KCNN2: variants seen among roughly 807,000 people sequenced by gnomAD.
KCNN2 encodes the protein small conductance calcium-activated potassium channel protein 2.
Under a neutral mutation model 55.5 loss-of-function variants are expected in KCNN2, and 24 were observed. That is an observed-to-expected ratio of 0.43 (90% CI 0.31 to 0.61). The LOEUF is 0.61. KCNN2 is among the 20% of genes least tolerant of loss of function. KCNN2 has a pLI of 0.08. For synonymous variants in KCNN2, 431 were observed against 336.1 expected (o/e 1.28, Z -3.09); for missense variants, 754 against 853.6 (o/e 0.88, Z 1.45).
intron 2 of KCNN2, among the ~76,000 whole-genome samples, chr5:114,255,585 G>A (rs1406081439): frequency 6.6e-6 from 1 of 152,160 alleles, no homozygotes; most frequent in Non-Finnish European, 1.5e-5. Context: ...TAAGGATTTT[G>A]AATTTTATCT....
chr5:114,354,642 A>T (rs993994370), intron 2 of KCNN2, among the ~76,000 whole-genome samples: 10 of 152,180 alleles, frequency 6.6e-5, no homozygotes, highest in African/African-American at 2.4e-4. Context: ...TTTCAGTTAT[A>T]TGAGCTAGGA....
intron 2 of KCNN2, among the ~76,000 whole-genome samples, chr5:114,282,279 A>C (rs530010754): frequency 1.3e-5 from 2 of 152,238 alleles, no homozygotes; most frequent in Admixed American, 1.3e-4. Flanking sequence ...TGGTTGAATT[A>C]TAGCAAAAAA....
At chr5:114,162,413 C>G (rs1752807371) in intron 1 of KCNN2, among the ~76,000 whole-genome samples, 1 of 152,196 alleles carries the variant, frequency 6.6e-6, no homozygotes, top group South Asian at 2.1e-4. Flanking sequence ...TCCGCCCCTA[C>G]TGGGGGGTGC....
intron 2 of KCNN2, among the ~76,000 whole-genome samples, chr5:114,398,690 CGTTT>C (rs1758694881): frequency 6.6e-6 from 1 of 151,932 alleles, no homozygotes; most frequent in African/African-American, 2.4e-5. Context: ...AATGCTTTTC[CGTTT>C]GTTTATGTAA....
chr5:114,228,245 A>G (rs1040476976), intron 2 of KCNN2, among the ~76,000 whole-genome samples: 5 of 152,140 alleles, frequency 3.3e-5, no homozygotes, highest in Admixed American at 2.0e-4. Flanking sequence ...CCTTTTTAAT[A>G]TAAGTCTCAA....
intron 1 of KCNN2, among the ~76,000 whole-genome samples, chr5:114,134,476 TTTATTTATTTA>T (rs1752131853): frequency 6.8e-6 from 1 of 147,682 alleles, no homozygotes; most frequent in African/African-American, 2.5e-5. Flanking sequence ...TATTTATTTA[TTTATTTATTTA>T]TTTATTTATT....
rs1281455408 is a variant in KCNN2, at chr5:114,116,419, A to G, written c.-271+59919A>G. Among the ~76,000 whole-genome samples the G allele has an allele frequency of 2.6e-5, 4 of 152,282 alleles. No individual in the cohort carries two copies. The East Asian group carries it at 7.7e-4, about 29-fold the overall frequency. On this transcript the variant is annotated intron_variant, in intron 1 of 10. Coordinates refer to the KCNN2 transcript ENST00000512097. Reference sequence around the variant, plus strand: ...ATGTTTAAATGTAAGTGATAAGTACACTACTATTTTCTTGCTCCTTATTAA... The same window carrying G: ...ATGTTTAAATGTAAGTGATAAGTACGCTACTATTTTCTTGCTCCTTATTAA...
In KCNN2 at chr5:114,452,891, T is replaced by A. The variant is rs1044059149; in HGVS notation, c.1638-10158T>A. Among the ~76,000 whole-genome samples the A allele has an allele frequency of 5.3e-5, 8 of 152,242 alleles. No homozygotes were observed. The East Asian group carries it at 5.8e-4, about 11-fold the overall frequency. On this transcript the variant is annotated intron_variant, in intron 3 of 7. Coordinates refer to ENST00000673685, the MANE Select transcript of KCNN2 (RefSeq NM_021614.4). ...CCTTCTTTGAATTTCTTTTTATGCT[T>A]ATATGTTCTAATTAATTGAAGCAGT... is the stretch of plus-strand genomic sequence containing the variant.
At chr5:114,339,706 G>C (rs1756982206) in intron 2 of KCNN2, among the ~76,000 whole-genome samples, 1 of 152,030 alleles carries the variant, frequency 6.6e-6, no homozygotes, top group Non-Finnish European at 1.5e-5. Context: ...GAAAGGCTGA[G>C]GTGGGAGGAT....
intron 2 of KCNN2, among the ~76,000 whole-genome samples, chr5:114,264,589 C>T (rs1755171981): frequency 1.3e-5 from 2 of 152,122 alleles, no homozygotes; most frequent in African/African-American, 4.8e-5. Flanking sequence ...GGTCACAGCC[C>T]TCTTGCTAAA....
intron 2 of KCNN2, among the ~76,000 whole-genome samples, chr5:114,291,080 AC>A (rs1755876989): frequency 6.6e-6 from 1 of 152,148 alleles, no homozygotes; most frequent in Admixed American, 6.5e-5. Context: ...GAAATAATGT[AC>A]ATGGGATTAT....
At chr5:114,305,293 C>T (rs1756245278) in intron 2 of KCNN2, among the ~76,000 whole-genome samples, 1 of 152,126 alleles carries the variant, frequency 6.6e-6, no homozygotes, top group Non-Finnish European at 1.5e-5. Context: ...CCAGAGATGG[C>T]CTACGATCTC....
At chr5:114,265,327 GTGTGT>G in intron 2 of KCNN2, among the ~76,000 whole-genome samples, 1 of 920 alleles carries the variant, frequency 1.1e-3, no homozygotes, top group East Asian at 0.062. Flanking sequence ...AAGAGGAGGT[GTGTGT>G]GTGTGTGTGT....
rs549517619 is a variant in KCNN2 at position 114,395,850 on chromosome 5, C to T, written c.1219-8588C>T. On this transcript the variant is annotated intron_variant, in intron 2 of 7. Transcript: ENST00000673685. ...ACGTCCTGACCTTCCAAATGCCCTC[C>T]GCATTTGGGCTTCCTCTGGACTTGG... Among the ~76,000 whole-genome samples the T allele has an allele frequency of 5.9e-5, 9 of 152,254 alleles. No individual in the cohort carries two copies. In the South Asian group the frequency reaches 8.3e-4, roughly 14 times the overall value.
intron 1 of KCNN2, among the ~76,000 whole-genome samples, chr5:114,168,995 A>T (rs1752976032): frequency 6.6e-6 from 1 of 152,120 alleles, no homozygotes; most frequent in African/African-American, 2.4e-5. Flanking sequence ...TTCTAATGAT[A>T]GTGAGTGAGT....
intron 3 of KCNN2, among the ~76,000 whole-genome samples, chr5:114,443,400 T>C (rs1208222947): frequency 2.0e-5 from 3 of 152,158 alleles, no homozygotes; most frequent in African/African-American, 7.2e-5. Flanking sequence ...AGTGGAAGAC[T>C]TGTAGGTTAT....
chr5:114,419,402 A>G (rs758028266), intron 3 of KCNN2, among the ~76,000 whole-genome samples: 2 of 152,246 alleles, frequency 1.3e-5, no homozygotes, highest in African/African-American at 2.4e-5. Flanking sequence ...CATTTTGTCA[A>G]ATTTGTTTTA....
chr5:114,185,346 C>T (rs1326495511), intron 1 of KCNN2, among the ~76,000 whole-genome samples: 2 of 152,194 alleles, frequency 1.3e-5, no homozygotes, highest in African/African-American at 4.8e-5. Flanking sequence ...TTATAGACAA[C>T]ATGAAAATCT....
chr5:114,195,163 G>T (rs1258579512), intron 1 of KCNN2, among the ~76,000 whole-genome samples: 2 of 151,278 alleles, frequency 1.3e-5, no homozygotes, highest in Non-Finnish European at 3.0e-5. Flanking sequence ...AGATTGTTTT[G>T]GCTCTTCACA....
Sources: allele counts gnomAD v4.1 joint callset (sites outside exome capture counted in the v4.1 genomes callset), GRCh38; gene constraint gnomAD v4.1.1; transcripts MANE v1.5; gene names NCBI Gene and HGNC (gene_info 2026-07-23, HGNC 2026-07-21).